Variants in LPP observed in about 807,000 individuals in gnomAD.
LPP encodes LIM domain containing preferred translocation partner in lipoma, also known as lipoma-preferred partner.
Under a neutral mutation model 60.4 loss-of-function variants are expected in LPP, and 38 were observed. The observed-to-expected ratio is 0.63, with a 90% CI of 0.49 to 0.83. The LOEUF (loss-of-function observed/expected upper bound fraction) is 0.83, where lower values mean the gene tolerates loss of function less well. LPP is among the 40% of genes least tolerant of loss of function. The pLI is 0.00. For synonymous variants in LPP, 328 were observed against 290.8 expected, an observed-to-expected ratio of 1.13 and a Z score of -1.30; for missense variants, 902 against 783.6, an observed-to-expected ratio of 1.15 and a Z score of -1.80.
intron 7 of LPP, among the ~76,000 whole-genome samples, chr3:188,676,307 G>A (rs533004374): frequency 1.9e-4 from 29 of 152,232 alleles, no homozygotes; most frequent in African/African-American, 6.5e-4. Context: ...ATAAAGGGCA[G>A]CCAGCGGGTA....
chr3:188,159,305 T>C (rs1717483638), intron 1 of LPP, among the ~76,000 whole-genome samples: 1 of 152,208 alleles, frequency 6.6e-6, no homozygotes, highest in Non-Finnish European at 1.5e-5. Context: ...TCCTATCACC[T>C]ACCTGAGTCA....
chr3:188,524,897 G>A (rs556566242), intron 6 of LPP, 110 bp downstream of exon 6: 16 of 236,810 alleles, frequency 6.8e-5, no homozygotes, highest in Middle Eastern at 9.7e-4. Context: ...CCTTCCGTCC[G>A]TCCTTCCTTC....
At chr3:188,554,334 C>A (rs955187612) in intron 6 of LPP, among the ~76,000 whole-genome samples, 2 of 152,136 alleles carry the variant, frequency 1.3e-5, no homozygotes, top group African/African-American at 4.8e-5. Flanking sequence ...TCAAATGTGA[C>A]TTCTTTTCTA....
intron 7 of LPP, among the ~76,000 whole-genome samples, chr3:188,625,444 A>T (rs1415403819): frequency 6.6e-6 from 1 of 152,212 alleles, no homozygotes; most frequent in Non-Finnish European, 1.5e-5. Context: ...ACACATTTTT[A>T]TAACCATTGT....
At chr3:188,341,884 T>G (rs1330970800) in intron 3 of LPP, among the ~76,000 whole-genome samples, 165 bp downstream of exon 3, 1 of 152,236 alleles carries the variant, frequency 6.6e-6, no homozygotes, top group African/African-American at 2.4e-5. Context: ...CTTTTTATTT[T>G]TGTTTTTTTG....
intron 9 of LPP, among the ~76,000 whole-genome samples, chr3:188,810,140 A>T (rs181017385): frequency 6.6e-6 from 1 of 152,152 alleles, no homozygotes; most frequent in East Asian, 1.9e-4. Context: ...CTGCCCAAAG[A>T]TTCTGTGTTT....
At chr3:188,674,635 G>C (rs778428541) in intron 7 of LPP, among the ~76,000 whole-genome samples, 2 of 152,186 alleles carry the variant, frequency 1.3e-5, no homozygotes, top group African/African-American at 2.4e-5. Flanking sequence ...CAAACATTGG[G>C]CTGGGTTTCT....
At chr3:188,561,513 G>C (rs914629499) in intron 6 of LPP, among the ~76,000 whole-genome samples, 1 of 152,028 alleles carries the variant, frequency 6.6e-6, no homozygotes, top group Non-Finnish European at 1.5e-5. Context: ...AGCATGTATA[G>C]AACAAGCACT....
At chr3:188,732,072 G>A (rs747324412) in intron 8 of LPP, among the ~76,000 whole-genome samples, 3 of 152,146 alleles carry the variant, frequency 2.0e-5, no homozygotes, top group Non-Finnish European at 2.9e-5. Context: ...GTAGTCTTTC[G>A]TTTCCTGAGA....
intron 6 of LPP, among the ~76,000 whole-genome samples, chr3:188,608,076 A>G (rs1305657374): frequency 6.6e-6 from 1 of 152,144 alleles, no homozygotes; most frequent in Admixed American, 6.5e-5. Context: ...GAAGCTGTGC[A>G]CAATAGATTA....
In LPP at chr3:188,495,165, T is replaced by C. The variant is rs182823736; in HGVS notation, c.306+10461T>C. ...TTTATATTATATTTATATTTATTTA[T>C]ATATATTTATAAATATATAATATAT... On this transcript the variant is annotated intron_variant, in intron 5 of 11. Coordinates refer to ENST00000617246, the MANE Select transcript of LPP (RefSeq NM_001375462.1). 9.9e-4 allele frequency among the ~76,000 whole-genome samples: 94 copies of C among 94,494 alleles called. 1 individual carries two copies. The East Asian group carries it at 0.027, about 28-fold the overall frequency. The allele number at this position is 94,494 out of a possible 152,430, so 62.0% of individuals were successfully genotyped here.
At chr3:188,407,784 G>GTTTTTTTTTT (rs1397646143) in intron 4 of LPP, among the ~76,000 whole-genome samples, 19 of 114,834 alleles carry the variant, frequency 1.7e-4, no homozygotes, top group South Asian at 2.7e-4. Context: ...TTTTTTGTTT[G>GTTTTTTTTTT]TTTGTTTTTT....
chr3:188,605,806 A>C (rs555708694), intron 6 of LPP, among the ~76,000 whole-genome samples: 10 of 152,306 alleles, frequency 6.6e-5, no homozygotes, highest in Admixed American at 4.6e-4. Context: ...CTTTCTGGTA[A>C]ACTAGGTTGA....
intron 4 of LPP, among the ~76,000 whole-genome samples, chr3:188,418,569 G>A (rs918926224): frequency 6.6e-6 from 1 of 152,084 alleles, no homozygotes; most frequent in African/African-American, 2.4e-5. Context: ...TCATGTTAAT[G>A]CCATTATTAC....
At position 188,266,875 on chromosome 3, in the gene LPP, C is replaced by T. The variant is rs114427035; in HGVS notation, c.-67+41348C>T. ...ATCCTCCCGGCCCTTTCACCAAACC[C>T]GTCTAGAGCTGGTATGGATCTACTT... On this transcript the variant is annotated intron_variant, in intron 2 of 11. Transcript: ENST00000617246. Among the ~76,000 whole-genome samples, 1,299 of 152,212 alleles carry T rather than the reference C, an allele frequency of 8.5e-3. 9 individuals are homozygous for T. Among genetic ancestry groups the T allele is most frequent in the Non-Finnish European group, 0.015 (1,006 of 68,002 alleles).
At chr3:188,240,965 T>A (rs553854122) in intron 2 of LPP, among the ~76,000 whole-genome samples, 1 of 152,364 alleles carries the variant, frequency 6.6e-6, no homozygotes, top group African/African-American at 2.4e-5. Context: ...ATGATTCTTT[T>A]ATTTTTAAAT....
At chr3:188,579,511 G>A (rs1239765118) in intron 6 of LPP, among the ~76,000 whole-genome samples, 1 of 152,164 alleles carries the variant, frequency 6.6e-6, no homozygotes, top group East Asian at 1.9e-4. Context: ...GATCATACAT[G>A]TTCATCATGT....
intron 9 of LPP, among the ~76,000 whole-genome samples, chr3:188,780,193 T>C (rs996562161): frequency 5.9e-5 from 9 of 152,184 alleles, no homozygotes; most frequent in Non-Finnish European, 1.2e-4. Flanking sequence ...GAACTTCCCC[T>C]TCTTCCAAAC....
intron 5 of LPP, among the ~76,000 whole-genome samples, chr3:188,507,405 G>C (rs973748071): frequency 1.3e-5 from 2 of 151,746 alleles, no homozygotes; most frequent in African/African-American, 4.8e-5. Context: ...TACAGCCTCT[G>C]TTCATGGCAG....
Sources: allele counts gnomAD v4.1 joint callset (sites outside exome capture counted in the v4.1 genomes callset), GRCh38; gene constraint gnomAD v4.1.1; transcripts MANE v1.5; gene names NCBI Gene and HGNC (gene_info 2026-07-23, HGNC 2026-07-21).